The following NCKAP5 variants were observed in gnomAD, a reference collection of about 807,000 sequenced individuals.
The protein encoded by NCKAP5 is nck-associated protein 5.
A neutral mutation model predicts 167.0 loss-of-function variants in NCKAP5; 92 were observed. That is an observed-to-expected ratio of 0.55 (90% CI 0.47 to 0.66). NCKAP5 has a LOEUF of 0.66. NCKAP5 is among the 30% of genes least tolerant of loss of function. The pLI is 0.00. For synonymous variants in NCKAP5, 891 were observed against 877.4 expected (o/e 1.02, Z -0.27); for missense variants, 2,378 against 2,315.0 (o/e 1.03, Z -0.56).
At chr2:132,983,484 AATGCCTAGTT>A (rs1304513068) in intron 7 of NCKAP5, among the ~76,000 whole-genome samples, 1 of 152,130 alleles carries the variant, frequency 6.6e-6, no homozygotes, top group African/African-American at 2.4e-5. Flanking sequence ...ATGTTCCTTC[AATGCCTAGTT>A]TATTCAGGGT....
chr2:132,759,389 C>T (rs1047416087), intron 16 of NCKAP5, among the ~76,000 whole-genome samples: 3 of 152,084 alleles, frequency 2.0e-5, no homozygotes, highest in African/African-American at 7.2e-5. Context: ...CTACTATCCA[C>T]AGTAATACAT....
intron 19 of NCKAP5, among the ~76,000 whole-genome samples, chr2:132,688,985 CAA>C (rs34015551): frequency 2.6e-4 from 17 of 66,326 alleles, no homozygotes; most frequent in Admixed American, 9.7e-4. Context: ...GACACCAACT[CAA>C]AAAAAAAAAA....
chr2:133,519,362 T>G (rs1684286179), intron 2 of NCKAP5, among the ~76,000 whole-genome samples: 1 of 152,260 alleles, frequency 6.6e-6, no homozygotes, highest in Non-Finnish European at 1.5e-5. Flanking sequence ...TAGGCAGTAT[T>G]TTTCAGAAAA....
In NCKAP5 at chr2:133,550,320, T is replaced by C. The variant is rs1171847279; in HGVS notation, c.-62+8730A>G. On this transcript the variant is annotated intron_variant, in intron 2 of 19. Coordinates refer to ENST00000409261, the MANE Select transcript of NCKAP5 (RefSeq NM_207363.3). ...AAAAGAGAATTTTAGACCAATATCC[T>C]TGATGAACATTGATGCAAAAATCCT... Among the ~76,000 whole-genome samples, 324 of 147,246 alleles carry C rather than the reference T, an allele frequency of 2.2e-3. 2 individuals are homozygous for C. Among genetic ancestry groups the C allele is most frequent in the African/African-American group, 7.0e-3 (283 of 40,190 alleles).
At chr2:132,843,604 A>T (rs961165889) in intron 11 of NCKAP5, among the ~76,000 whole-genome samples, 12 of 151,296 alleles carry the variant, frequency 7.9e-5, no homozygotes, top group African/African-American at 2.2e-4. Flanking sequence ...TTTTTTTAAT[A>T]AAAAAACTCC....
the NCKAP5 span, among the ~76,000 whole-genome samples, chr2:133,655,036 C>A: frequency 1.3e-5 from 2 of 152,144 alleles, no homozygotes; most frequent in African/African-American, 2.4e-5. Context: ...TGGTTCTTTC[C>A]TTGGGTTCAA....
chr2:133,429,658 T>A (rs765093872), intron 3 of NCKAP5, among the ~76,000 whole-genome samples: 2 of 151,628 alleles, frequency 1.3e-5, no homozygotes, highest in African/African-American at 2.4e-5. Context: ...TTATTTTTTA[T>A]GGCTGCATAG....
intron 11 of NCKAP5, among the ~76,000 whole-genome samples, chr2:132,854,327 C>T (rs1180877954): frequency 6.6e-6 from 1 of 152,070 alleles, no homozygotes; most frequent in Non-Finnish European, 1.5e-5. Context: ...GAATGAAGAG[C>T]AAAGGTATGC....
chr2:133,086,527 A>C (rs2080997196), intron 6 of NCKAP5, among the ~76,000 whole-genome samples: 1 of 152,152 alleles, frequency 6.6e-6, no homozygotes, highest in South Asian at 2.1e-4. Flanking sequence ...CTATAGTCCC[A>C]GCAACTCAAG....
intron 10 of NCKAP5, among the ~76,000 whole-genome samples, chr2:132,867,824 C>T (rs767711551): frequency 6.6e-6 from 1 of 152,148 alleles, no homozygotes; most frequent in East Asian, 1.9e-4. Flanking sequence ...ATTTAACCCA[C>T]CTCATTATGG....
intron 3 of NCKAP5, among the ~76,000 whole-genome samples, chr2:133,462,541 T>C (rs150535429): frequency 8.3e-4 from 127 of 152,316 alleles, no homozygotes; most frequent in African/African-American, 2.1e-3. Context: ...GTTCCAAATA[T>C]ACTTTTATAA....
At chr2:133,341,946 CT>C (rs35428942) in intron 3 of NCKAP5, among the ~76,000 whole-genome samples, 8 of 150,142 alleles carry the variant, frequency 5.3e-5, no homozygotes, top group Non-Finnish European at 4.5e-5. Flanking sequence ...TCTAAACATT[CT>C]TTTTTTTTTG....
At chr2:133,403,313 T>G (rs1450222653) in intron 3 of NCKAP5, among the ~76,000 whole-genome samples, 1 of 152,222 alleles carries the variant, frequency 6.6e-6, no homozygotes, top group Admixed American at 6.5e-5. Context: ...ATTGCCACAG[T>G]ATTAAAAAAT....
intron 6 of NCKAP5, among the ~76,000 whole-genome samples, chr2:133,049,717 T>C (rs1180850148): frequency 6.6e-6 from 1 of 152,088 alleles, no homozygotes; most frequent in African/African-American, 2.4e-5. Flanking sequence ...CCAGAGATTC[T>C]CATCCTGCTC....
intron 3 of NCKAP5, among the ~76,000 whole-genome samples, chr2:133,429,953 T>C (rs1690053144): frequency 6.6e-6 from 1 of 152,182 alleles, no homozygotes; most frequent in South Asian, 2.1e-4. Context: ...TGTATAAGTG[T>C]TCCCTTTTTC....
At chr2:133,092,475 G>C (rs2081217188) in intron 6 of NCKAP5, among the ~76,000 whole-genome samples, 1 of 152,166 alleles carries the variant, frequency 6.6e-6, no homozygotes, top group Non-Finnish European at 1.5e-5. Flanking sequence ...CCAAAACCAT[G>C]CATAAATATA....
chr2:133,338,177 T>C (rs192560589), intron 3 of NCKAP5, among the ~76,000 whole-genome samples: 53 of 152,304 alleles, frequency 3.5e-4, no homozygotes, highest in East Asian at 2.1e-3. Context: ...AGAAAAAATA[T>C]AGCAAGTACC....
chr2:132,979,996 CT>C (rs1273323851), intron 7 of NCKAP5, among the ~76,000 whole-genome samples: 1,379 of 134,542 alleles, frequency 0.01, 9 homozygotes, highest in African/African-American at 0.031. Flanking sequence ...TTTTCTTTTT[CT>C]TTTTTTTTTT....
At chr2:133,495,387 A>G (rs1681852775) in intron 3 of NCKAP5, among the ~76,000 whole-genome samples, 1 of 152,096 alleles carries the variant, frequency 6.6e-6, no homozygotes, top group Non-Finnish European at 1.5e-5. Flanking sequence ...GGCAATCTTG[A>G]TTGCATAGGA....
Sources: gnomAD v4.1 joint callset for allele counts (sites outside exome capture counted in the v4.1 genomes callset) on GRCh38, gnomAD v4.1.1 for gene constraint, MANE v1.5 for transcripts, NCBI Gene and HGNC (gene_info 2026-07-23, HGNC 2026-07-21) for gene names.